The following SH3TC2 variants were observed in gnomAD, a reference collection of about 807,000 sequenced individuals.
The protein encoded by SH3TC2 is SH3 domain and tetratricopeptide repeats 2, also known as SH3 domain and tetratricopeptide repeat-containing protein 2.
A neutral mutation model predicts 124.5 loss-of-function variants in SH3TC2; 87 were observed. That is an observed-to-expected ratio of 0.70 (90% CI 0.59 to 0.84). The LOEUF (loss-of-function observed/expected upper bound fraction) is 0.84, where lower values mean the gene tolerates loss of function less well. Among genes scored for constraint, SH3TC2 ranks in the 40% least tolerant of loss-of-function variants. The probability of loss-of-function intolerance (pLI) is 0.00; values close to 1 mark genes in which losing one functional copy is unlikely to be tolerated. For synonymous variants in SH3TC2, 634 were observed against 628.5 expected (o/e 1.01, Z -0.13); for missense variants, 1,536 against 1,566.4 (o/e 0.98, Z 0.33).
chr5:149,062,932 T>C, intron 1 of SH3TC2, 39 bp downstream of exon 1: 1 of 1,560,108 alleles, frequency 6.4e-7, no homozygotes, highest in Non-Finnish European at 8.7e-7. Flanking sequence ...CCATCCACTT[T>C]GGCCAAGCCA....
chr5:149,041,574 G>A lies in SH3TC2; in HGVS notation c.573C>T (p.Ala191=), dbSNP rs956257933. The A allele has an allele frequency of 2.5e-6, 4 of 1,614,160 alleles. No individual in the cohort carries two copies. The highest frequency in any genetic ancestry group is 1.3e-5 in the African/African-American group (1 of 75,056). The change falls in exon 6 of 17, where the codon GCC becomes GCT. Residue 191 remains alanine, a synonymous_variant. Coordinates refer to ENST00000515425, the MANE Select transcript of SH3TC2 (RefSeq NM_024577.4). ...GTGTCAAGCATTCCCCTTCCTTCTC[G>A]GCTGGTGGAGTCACGGAGCACAGGG... is the stretch of plus-strand genomic sequence containing the variant. ...CRALCSVTPP[A]EKEGECLTLC... is the part of the protein sequence containing the mutation.
In SH3TC2 at chr5:149,026,850, A is replaced by T. The variant is rs1463944998; in HGVS notation, c.2872+10T>A. On this transcript the variant is annotated intron_variant, in intron 11 of 16. Transcript: ENST00000515425. ...CTCTATAGCTTCCCAGCAGCATGGG[A>T]CATACTTACTCTTTAGATGTCGATG... 1.2e-6 allele frequency: 2 copies of T among 1,614,216 alleles called. No individual in the cohort carries two copies. Among genetic ancestry groups the T allele is most frequent in the East Asian group, 4.5e-5 (2 of 44,886 alleles).
intron 8 of SH3TC2, 72 bp from the exon 9 acceptor site, chr5:149,031,759 C>T: frequency 6.3e-7 from 1 of 1,593,970 alleles, no homozygotes; most frequent in Non-Finnish European, 8.6e-7. Context: ...TCTCTCCACA[C>T]TAGGATGTAG....
At position 148,982,503 on chromosome 5, in the gene SH3TC2, A is replaced by G. The variant is rs756451967; in HGVS notation, c.*22208T>C. On this transcript the variant is annotated 3_prime_UTR_variant, in exon 17 of 17. Coordinates refer to ENST00000515425, the MANE Select transcript of SH3TC2 (RefSeq NM_024577.4). ...CAAAAATAACCAAATTGACACCACT[A>G]GAGAACCAGCTAAATAAACTGTTAT... is the stretch of plus-strand genomic sequence containing the variant. Among the ~76,000 whole-genome samples the G allele has an allele frequency of 7.2e-5, 11 of 152,230 alleles. No individual in the cohort carries two copies. Among genetic ancestry groups the G allele is most frequent in the Non-Finnish European group, 1.3e-4 (9 of 68,040 alleles).
chr5:149,036,935 C>G (rs1580907023), intron 8 of SH3TC2, among the ~76,000 whole-genome samples: 1 of 152,188 alleles, frequency 6.6e-6, no homozygotes. Context: ...TCGCTGGTCT[C>G]CTGCCTCCAG....
At chr5:149,048,528 C>G (rs1754505838) in intron 2 of SH3TC2, among the ~76,000 whole-genome samples, 1 of 152,200 alleles carries the variant, frequency 6.6e-6, no homozygotes. Context: ...TAATGTTTAT[C>G]AGGGTAATTA....
chr5:148,984,135 A>G lies in SH3TC2; in HGVS notation c.*20576T>C, dbSNP rs1486610625. 6.6e-6 allele frequency among the ~76,000 whole-genome samples: 1 copy of G among 151,898 alleles called. No homozygotes were observed. Among genetic ancestry groups the G allele is most frequent in the Non-Finnish European group, 1.5e-5 (1 of 67,962 alleles). On this transcript the variant is annotated 3_prime_UTR_variant, in exon 17 of 17. Transcript: ENST00000515425. ...CTTTAGATAGGCTTTGTGTCCCTTT[A>G]TCTCTCTCTTCTCTTTCTGAAATTG...
At chr5:149,013,404 G>A (rs1256623942) in intron 12 of SH3TC2, among the ~76,000 whole-genome samples, 1 of 152,196 alleles carries the variant, frequency 6.6e-6, no homozygotes, top group African/African-American at 2.4e-5. Flanking sequence ...ATATGGAACT[G>A]TGAGTCCATT....
In SH3TC2 at chr5:149,004,589, C is replaced by G; in HGVS notation, c.*122G>C. The G allele has an allele frequency of 9.8e-7, 1 of 1,019,078 alleles. No individual in the cohort carries two copies. Among genetic ancestry groups the G allele is most frequent in the Non-Finnish European group, 1.4e-6 (1 of 701,792 alleles). 63.1% of individuals were successfully genotyped at this position (1,019,078 alleles called of 1,614,324 possible). A position where few individuals can be genotyped will look rare whatever the true frequency, so the allele number is the denominator to read the frequency against. On this transcript the variant is annotated 3_prime_UTR_variant, in exon 17 of 17. Coordinates refer to ENST00000515425, the MANE Select transcript of SH3TC2 (RefSeq NM_024577.4). Reference sequence around the variant, plus strand: ...TCTCCTCCTGGACTTCATTCTTCTTCTTGTGAAATGAGGGGGCTAGGCCAG... The same window carrying G: ...TCTCCTCCTGGACTTCATTCTTCTTGTTGTGAAATGAGGGGGCTAGGCCAG...
chr5:149,015,427 C>T (rs925204187), intron 12 of SH3TC2, among the ~76,000 whole-genome samples: 1 of 152,222 alleles, frequency 6.6e-6, no homozygotes, highest in African/African-American at 2.4e-5. Context: ...CCTCCAGCCG[C>T]CACCCACAGA....
chr5:149,026,765 C>T lies in SH3TC2; in HGVS notation c.2873-13G>A. 5 of 1,614,190 alleles carry T rather than the reference C, an allele frequency of 3.1e-6. No homozygotes were observed. Among genetic ancestry groups the T allele is most frequent in the Non-Finnish European group, 4.2e-6 (5 of 1,180,046 alleles). On this transcript the variant is annotated splice_polypyrimidine_tract_variant and intron_variant, in intron 11 of 16. Coordinates refer to ENST00000515425, the MANE Select transcript of SH3TC2 (RefSeq NM_024577.4). The stretch of plus-strand genomic sequence containing the variant: ...GCCTGAAGCTGACCTGAACACAAAG[C>T]AGGGACATGAATGAGATGACTTGAG...
intron 1 of SH3TC2, among the ~76,000 whole-genome samples, chr5:149,059,890 A>C (rs865788799): frequency 6.6e-6 from 1 of 152,356 alleles, no homozygotes; most frequent in Middle Eastern, 3.4e-3. Context: ...AAAAAGGTAA[A>C]GTTCTGAAGA....
At chr5:149,043,043 C>A (rs562563577) in intron 4 of SH3TC2, among the ~76,000 whole-genome samples, 20 of 152,314 alleles carry the variant, frequency 1.3e-4, no homozygotes, top group Admixed American at 4.6e-4. Flanking sequence ...TTGGGAAATA[C>A]AAGTCATTTC....
chr5:149,015,081 GT>G (rs1410778608), intron 12 of SH3TC2, among the ~76,000 whole-genome samples: 7 of 152,302 alleles, frequency 4.6e-5, no homozygotes, highest in Non-Finnish European at 1.0e-4. Flanking sequence ...CTCCCTCTGA[GT>G]TCATTATGAC....
At chr5:149,036,340 G>A (rs995051051) in intron 8 of SH3TC2, among the ~76,000 whole-genome samples, 1 of 152,038 alleles carries the variant, frequency 6.6e-6, no homozygotes, top group Non-Finnish European at 1.5e-5. Context: ...TGGCCCTGCT[G>A]TACCTCTCTG....
At chr5:149,012,382 C>T (rs1393674763) in intron 13 of SH3TC2, among the ~76,000 whole-genome samples, 1 of 152,150 alleles carries the variant, frequency 6.6e-6, no homozygotes, top group Non-Finnish European at 1.5e-5. Context: ...CAGCGACTGG[C>T]CCTTTGCTCC....
chr5:149,025,150 G>C (rs758894577), intron 12 of SH3TC2, among the ~76,000 whole-genome samples: 1 of 152,032 alleles, frequency 6.6e-6, no homozygotes, highest in Non-Finnish European at 1.5e-5. Flanking sequence ...AGACTCCTAG[G>C]GTGTCCTAGA....
At chr5:149,011,163 A>G (rs1420087706) in intron 13 of SH3TC2, among the ~76,000 whole-genome samples, 1 of 152,200 alleles carries the variant, frequency 6.6e-6, no homozygotes, top group African/African-American at 2.4e-5. Context: ...CATGGAATTG[A>G]CCCTGCACAA....
intron 15 of SH3TC2, 40 bp from the exon 16 acceptor site, chr5:149,007,117 C>A: frequency 6.3e-7 from 1 of 1,586,388 alleles, no homozygotes; most frequent in Non-Finnish European, 8.7e-7. Context: ...CTGCAACCAA[C>A]ACTTTGCATC....
Sources: allele counts gnomAD v4.1 joint callset (sites outside exome capture counted in the v4.1 genomes callset), GRCh38; gene constraint gnomAD v4.1.1; transcripts MANE v1.5; gene names NCBI Gene and HGNC (gene_info 2026-07-23, HGNC 2026-07-21).